SCHIP1: variants seen among roughly 807,000 people sequenced by gnomAD.
SCHIP1 encodes schwannomin-interacting protein 1.
SCHIP1 carries 8 observed loss-of-function variants against 29.7 expected under a neutral mutation model. That is an observed-to-expected ratio of 0.27 (90% confidence interval 0.16 to 0.49). The LOEUF is 0.49. Among genes scored for constraint, SCHIP1 ranks in the 20% least tolerant of loss-of-function variants. SCHIP1 has a pLI of 0.99. For synonymous variants in SCHIP1, 76 were observed against 94.9 expected, an observed-to-expected ratio of 0.80 and a Z score of 1.16; for missense variants, 193 against 294.6, an observed-to-expected ratio of 0.66 and a Z score of 2.52.
chr3:159,840,526 A>G (rs1444727362), intron 1 of SCHIP1, among the ~76,000 whole-genome samples: 1 of 152,230 alleles, frequency 6.6e-6, no homozygotes, highest in Non-Finnish European at 1.5e-5. Context: ...TTTCAGAGGA[A>G]AATCTGTTTG....
the SCHIP1 span, among the ~76,000 whole-genome samples, chr3:159,610,141 G>C: frequency 6.6e-6 from 1 of 152,182 alleles, no homozygotes; most frequent in African/African-American, 2.4e-5. Flanking sequence ...ACAGCTGGTT[G>C]AGTGGCAAAG....
At chr3:159,349,657 T>TATCA in the SCHIP1 span, among the ~76,000 whole-genome samples, 4 of 152,178 alleles carry the variant, frequency 2.6e-5, no homozygotes, top group Admixed American at 2.6e-4. Flanking sequence ...AAATAGCTTC[T>TATCA]ATCAAATACA....
chr3:159,551,806 C>T, the SCHIP1 span, among the ~76,000 whole-genome samples: 1 of 152,018 alleles, frequency 6.6e-6, no homozygotes, highest in African/African-American at 2.4e-5. Context: ...AATTGATCTG[C>T]ATTATGTTGG....
the SCHIP1 span, among the ~76,000 whole-genome samples, chr3:159,674,873 G>A: frequency 6.6e-6 from 1 of 152,160 alleles, no homozygotes; most frequent in Non-Finnish European, 1.5e-5. Flanking sequence ...AGGGATCAGG[G>A]AGAGATGGTG....
the SCHIP1 span, among the ~76,000 whole-genome samples, chr3:159,370,562 A>G: frequency 6.6e-6 from 1 of 152,194 alleles, no homozygotes; most frequent in Non-Finnish European, 1.5e-5. Context: ...TGAGTCTGTG[A>G]GAGTGTTTCC....
At chr3:159,825,265 G>C in the SCHIP1 span, among the ~76,000 whole-genome samples, 1 of 152,184 alleles carries the variant, frequency 6.6e-6, no homozygotes, top group Non-Finnish European at 1.5e-5. Flanking sequence ...AGTTGAGTAA[G>C]TGTTAGCCTT....
the SCHIP1 span, among the ~76,000 whole-genome samples, chr3:159,438,084 GT>G: frequency 1.3e-5 from 2 of 152,126 alleles, no homozygotes; most frequent in African/African-American, 4.8e-5. Context: ...CACTATATGA[GT>G]CTTCATTCTC....
the SCHIP1 span, among the ~76,000 whole-genome samples, chr3:159,440,315 C>G: frequency 6.6e-6 from 1 of 151,966 alleles, no homozygotes; most frequent in Non-Finnish European, 1.5e-5. Context: ...TACTGTAGCC[C>G]TATAATGTAG....
At chr3:159,456,081 T>G in the SCHIP1 span, among the ~76,000 whole-genome samples, 1 of 152,106 alleles carries the variant, frequency 6.6e-6, no homozygotes, top group East Asian at 1.9e-4. Flanking sequence ...TTAATGGAAT[T>G]TTTCACTCTG....
chr3:159,641,004 CA>C, the SCHIP1 span, among the ~76,000 whole-genome samples: 313 of 152,232 alleles, frequency 2.1e-3, 4 homozygotes, highest in South Asian at 7.0e-3. Context: ...GAATTCTGGT[CA>C]TTTCATTTAA....
At chr3:159,305,796 A>G in the SCHIP1 span, among the ~76,000 whole-genome samples, 4 of 152,220 alleles carry the variant, frequency 2.6e-5, no homozygotes, top group African/African-American at 9.6e-5. Context: ...GGGAGGTTAA[A>G]TGGACCAAAG....
chr3:159,595,157 C>A, the SCHIP1 span, among the ~76,000 whole-genome samples: 2 of 152,154 alleles, frequency 1.3e-5, no homozygotes, highest in African/African-American at 2.4e-5. Flanking sequence ...CCCCACACTG[C>A]TGATTATATG....
the SCHIP1 span, among the ~76,000 whole-genome samples, chr3:159,497,666 G>A: frequency 6.6e-6 from 1 of 151,892 alleles, no homozygotes; most frequent in African/African-American, 2.4e-5. Flanking sequence ...CAGGAAGGGT[G>A]AGAGGGAGGG....
At chr3:159,379,598 GAGTGTGCAACACTAATCACCCCTATT>G in the SCHIP1 span, among the ~76,000 whole-genome samples, 1 of 152,144 alleles carries the variant, frequency 6.6e-6, no homozygotes, top group South Asian at 2.1e-4. Flanking sequence ...GTGCATTGAT[GAGTGTGCAACACTAATCACCCCTATT>G]AGTGTGCAAC....
the SCHIP1 span, among the ~76,000 whole-genome samples, chr3:159,395,379 T>G: frequency 4.0e-4 from 61 of 152,294 alleles, no homozygotes; most frequent in African/African-American, 1.3e-3. Flanking sequence ...ATGTGTTTCC[T>G]CTTGCTTTTC....
At chr3:159,772,173 G>A in the SCHIP1 span, among the ~76,000 whole-genome samples, 1 of 151,762 alleles carries the variant, frequency 6.6e-6, no homozygotes, top group Non-Finnish European at 1.5e-5. Flanking sequence ...TTTTTTTTCA[G>A]ACAGTCTCGC....
chr3:159,424,165 C>A, the SCHIP1 span, among the ~76,000 whole-genome samples: 33 of 152,118 alleles, frequency 2.2e-4, 1 homozygote, highest in South Asian at 6.5e-3. Context: ...CGCAGTTCCT[C>A]ACCAGCAATG....
the SCHIP1 span, among the ~76,000 whole-genome samples, chr3:159,663,288 C>G: frequency 2.6e-5 from 4 of 152,172 alleles, no homozygotes; most frequent in African/African-American, 9.6e-5. Flanking sequence ...CCTGAGTAAC[C>G]CTTGGAGTGT....
the SCHIP1 span, among the ~76,000 whole-genome samples, chr3:159,528,659 C>T: frequency 6.6e-6 from 1 of 152,150 alleles, no homozygotes; most frequent in African/African-American, 2.4e-5. Context: ...GTTTTTTGGG[C>T]CATATCAGCC....
Sources: allele counts gnomAD v4.1 joint callset (sites outside exome capture counted in the v4.1 genomes callset), GRCh38; gene constraint gnomAD v4.1.1; transcripts MANE v1.5; gene names NCBI Gene and HGNC (gene_info 2026-07-23, HGNC 2026-07-21).